Variants in CCDC12 observed in about 807,000 individuals in gnomAD.
The protein encoded by CCDC12 is coiled-coil domain containing 12.
In CCDC12, 28 loss-of-function variants were observed where a neutral mutation model predicts 25.7. The observed-to-expected ratio is 1.09, with a 90% CI of 0.81 to 1.50. The LOEUF is 1.50. Ranked by LOEUF, CCDC12 falls within the 40% of genes most tolerant of loss-of-function variation. The pLI, the probability that CCDC12 is intolerant of heterozygous loss-of-function variation, is 0.00. For missense variants in CCDC12, 198 were observed against 210.0 expected (o/e 0.94, Z 0.35); for synonymous variants, 75 against 87.7 (o/e 0.86, Z 0.81).
intron 1 of CCDC12, among the ~76,000 whole-genome samples, chr3:46,947,851 T>C (rs1266035398): frequency 6.6e-6 from 1 of 152,218 alleles, no homozygotes; most frequent in African/African-American, 2.4e-5. Flanking sequence ...GGGCAAGTTA[T>C]ATGACCTGTC....
At chr3:46,926,113 G>C (rs1433372877) in intron 2 of CCDC12, among the ~76,000 whole-genome samples, 1 of 152,236 alleles carries the variant, frequency 6.6e-6, no homozygotes, top group Admixed American at 6.5e-5. Context: ...GCTGGGCCAG[G>C]GGCATGTGGC....
At chr3:46,932,326 A>G (rs948395484) in intron 2 of CCDC12, among the ~76,000 whole-genome samples, 12 of 152,338 alleles carry the variant, frequency 7.9e-5, no homozygotes, top group African/African-American at 2.6e-4. Context: ...CCACCAGGCT[A>G]TGAGGGCAAA....
At chr3:46,939,944 C>T (rs2033625574) in intron 2 of CCDC12, among the ~76,000 whole-genome samples, 1 of 152,110 alleles carries the variant, frequency 6.6e-6, no homozygotes, top group Non-Finnish European at 1.5e-5. Flanking sequence ...CCTCCCGCTC[C>T]CCCTGGGCAA....
upstream of CCDC12, among the ~76,000 whole-genome samples, chr3:46,978,705 C>T (rs151169079): frequency 2.0e-5 from 3 of 152,168 alleles, no homozygotes; most frequent in South Asian, 4.1e-4. Context: ...CAGAGCCGGC[C>T]GGGTGCGGTG....
At chr3:46,976,498 T>C (rs1048228190) in intron 1 of CCDC12, 139 bp downstream of exon 1, 43 of 1,437,922 alleles carry the variant, frequency 3.0e-5, no homozygotes, top group African/African-American at 4.3e-5. Flanking sequence ...GGGCGCCGTC[T>C]TCTCGCGCAT....
chr3:46,965,629 C>T (rs556654408), intron 1 of CCDC12, among the ~76,000 whole-genome samples: 68 of 152,298 alleles, frequency 4.5e-4, no homozygotes, highest in African/African-American at 1.5e-3. Flanking sequence ...TTGCAAAGCT[C>T]CAAGGGATGA....
At chr3:46,970,874 C>G (rs575838880) in intron 1 of CCDC12, among the ~76,000 whole-genome samples, 1 of 152,188 alleles carries the variant, frequency 6.6e-6, no homozygotes, top group Non-Finnish European at 1.5e-5. Context: ...CCTACTCACC[C>G]AGCCAGGAAC....
chr3:46,963,395 CTCTCCCTCTCCCTCTCCTCACGG>C (rs1406859813), intron 1 of CCDC12, among the ~76,000 whole-genome samples: 6 of 2,332 alleles, frequency 2.6e-3, no homozygotes, highest in Non-Finnish European at 0.01. Flanking sequence ...AGCCCTCTCC[CTCTCCCTCTCCCTCTCCTCACGG>C]TCTCCCTCTC....
chr3:46,973,689 T>G (rs1328189437), intron 1 of CCDC12, among the ~76,000 whole-genome samples: 1 of 145,868 alleles, frequency 6.9e-6, no homozygotes, highest in East Asian at 2.1e-4. Flanking sequence ...CTCAGCTCAC[T>G]GCAAGCTCCG....
chr3:46,936,523 T>C (rs2033448320), intron 2 of CCDC12, among the ~76,000 whole-genome samples: 1 of 152,170 alleles, frequency 6.6e-6, no homozygotes. Flanking sequence ...CCACCTTTGG[T>C]TGAAGATTCT....
At chr3:46,948,310 A>T (rs1358092595) in intron 1 of CCDC12, among the ~76,000 whole-genome samples, 1 of 152,226 alleles carries the variant, frequency 6.6e-6, no homozygotes, top group Non-Finnish European at 1.5e-5. Context: ...GTGTTCCCTA[A>T]AGGCTTCTGA....
chr3:46,955,353 C>T lies in CCDC12; in HGVS notation c.97-14288G>A, dbSNP rs534797576. On this transcript the variant is annotated intron_variant, in intron 1 of 6. Transcript: ENST00000683445. ...AAGGTGACTAAAGCAAGATGGCTGC[C>T]CTCAGGGAAGTCAGGGGCAGGGAAG... 7.9e-5 allele frequency among the ~76,000 whole-genome samples: 12 copies of T among 152,168 alleles called. No individual in the cohort carries two copies. The East Asian group carries it at 2.1e-3, about 27-fold the overall frequency.
In CCDC12 at chr3:46,923,311, C is replaced by G; in HGVS notation, c.341+18G>C. The G allele has an allele frequency of 6.8e-7, 1 of 1,478,186 alleles. No homozygotes were observed. Among genetic ancestry groups the G allele is most frequent in the Middle Eastern group, 2.5e-4 (1 of 3,978 alleles). The allele number at this position is 1,478,186 out of a possible 1,614,324, so 91.6% of individuals were successfully genotyped here. A position where few individuals can be genotyped will look rare whatever the true frequency, so the allele number is the denominator to read the frequency against. ...TCCCCGAGTCAGCCTGCACCCGCCACGCACGGGCAACACTCACCAGTCAGG... is the reference window on the plus strand; with the variant it reads ...TCCCCGAGTCAGCCTGCACCCGCCAGGCACGGGCAACACTCACCAGTCAGG... On this transcript the variant is annotated intron_variant, in intron 5 of 6. Coordinates refer to ENST00000683445, the MANE Select transcript of CCDC12 (RefSeq NM_001277074.2).
chr3:46,957,800 G>A (rs755320659), intron 1 of CCDC12, among the ~76,000 whole-genome samples: 18 of 151,742 alleles, frequency 1.2e-4, no homozygotes, highest in Non-Finnish European at 1.6e-4. Flanking sequence ...AAAATTAGCC[G>A]AGCATGGTGG....
chr3:46,970,631 A>G (rs2034776560), intron 1 of CCDC12, among the ~76,000 whole-genome samples: 1 of 152,262 alleles, frequency 6.6e-6, no homozygotes, highest in African/African-American at 2.4e-5. Flanking sequence ...AGGGCTGGTC[A>G]GCCAGACAGC....
intron 1 of CCDC12, chr3:46,981,907 G>T (rs2035374230): frequency 6.6e-6 from 1 of 152,298 alleles, no homozygotes; most frequent in Non-Finnish European, 1.5e-5. Context: ...TCTGTGCTGA[G>T]CCTCCCCCTC....
chr3:46,930,738 C>A (rs775343089), intron 2 of CCDC12, among the ~76,000 whole-genome samples: 11 of 152,230 alleles, frequency 7.2e-5, no homozygotes, highest in Non-Finnish European at 1.5e-4. Context: ...ACTTCCCCGT[C>A]CATCACGCTT....
At chr3:46,932,606 C>A (rs2033274351) in intron 2 of CCDC12, among the ~76,000 whole-genome samples, 1 of 152,192 alleles carries the variant, frequency 6.6e-6, no homozygotes, top group South Asian at 2.1e-4. Flanking sequence ...ACAAAGAGGA[C>A]AAGGTCTATT....
chr3:46,948,312 G>C (rs1042942673), intron 1 of CCDC12, among the ~76,000 whole-genome samples: 2 of 152,218 alleles, frequency 1.3e-5, no homozygotes, highest in African/African-American at 2.4e-5. Context: ...GTTCCCTAAA[G>C]GCTTCTGAGC....
Sources: allele counts gnomAD v4.1 joint callset (sites outside exome capture counted in the v4.1 genomes callset), GRCh38; gene constraint gnomAD v4.1.1; transcripts MANE v1.5; gene names NCBI Gene and HGNC (gene_info 2026-07-23, HGNC 2026-07-21).